C6orf52: variants seen among roughly 807,000 people sequenced by gnomAD.
C6orf52 encodes chromosome 6 open reading frame 52.
Under a neutral mutation model 16.6 loss-of-function variants are expected in C6orf52, and 16 were observed. The observed-to-expected ratio is 0.96, with a 90% CI of 0.65 to 1.46. The LOEUF (loss-of-function observed/expected upper bound fraction) is 1.46. Among genes scored for constraint, C6orf52 ranks in the 40% most tolerant of loss-of-function variants. The probability of loss-of-function intolerance (pLI) is 0.00; values close to 1 mark genes in which losing one functional copy is unlikely to be tolerated. For missense variants in C6orf52, 166 were observed against 182.3 expected (o/e 0.91, Z 0.52); for synonymous variants, 53 against 61.4 (o/e 0.86, Z 0.64).
At chr6:10,674,005 G>A (rs982106031) in intron 4 of C6orf52, among the ~76,000 whole-genome samples, 1 of 148,806 alleles carries the variant, frequency 6.7e-6, no homozygotes, top group Non-Finnish European at 1.5e-5. Context: ...TGACTAGTTC[G>A]TAAACAACAC....
intron 4 of C6orf52, among the ~76,000 whole-genome samples, chr6:10,682,463 G>C (rs1320380671): frequency 6.6e-6 from 1 of 152,152 alleles, no homozygotes; most frequent in Non-Finnish European, 1.5e-5. Context: ...CTCTGAATTA[G>C]TAACAGGGCC....
At chr6:10,692,392 A>C (rs912757951) in intron 1 of C6orf52, among the ~76,000 whole-genome samples, 5 of 152,224 alleles carry the variant, frequency 3.3e-5, no homozygotes, top group Non-Finnish European at 7.3e-5. Flanking sequence ...TCTAAATCCT[A>C]AAATAATTTG....
At chr6:10,676,807 T>C (rs775160318) in intron 4 of C6orf52, among the ~76,000 whole-genome samples, 2 of 152,210 alleles carry the variant, frequency 1.3e-5, no homozygotes, top group Non-Finnish European at 2.9e-5. Context: ...TCCTCTCTCC[T>C]TTCTTCTACC....
intron 4 of C6orf52, among the ~76,000 whole-genome samples, chr6:10,679,456 G>GA (rs376409333): frequency 0.018 from 2,400 of 135,850 alleles, 71 homozygotes; most frequent in African/African-American, 0.065. Flanking sequence ...AAAAAAAATA[G>GA]AAAAAAAAAT....
chr6:10,671,502 G>A lies in C6orf52; in HGVS notation c.413C>T (p.Pro138Leu). The change falls in exon 5 of 5, where the codon CCT becomes CTT. Residue 138 changes from proline to leucine, a missense_variant. Coordinates refer to ENST00000259983, the MANE Select transcript of C6orf52 (RefSeq NM_001145020.3). ...GATTTCGGAGTGAACTGTGTCCAGA[G>A]GCTGCCAGTGGCAATTCATGAGGGA... ...YDSLMNCHWQPLDTVHSEIPD... is the reference protein window; with the variant it reads ...YDSLMNCHWQLLDTVHSEIPD... 6.4e-7 allele frequency: 1 copy of A among 1,551,080 alleles called. No individual in the cohort carries two copies. The highest frequency in any genetic ancestry group is 1.2e-5 in the South Asian group (1 of 83,926).
chr6:10,674,862 T>C (rs955656500), intron 4 of C6orf52: 1 of 151,142 alleles, frequency 6.6e-6, no homozygotes, highest in Non-Finnish European at 1.5e-5. Context: ...CAGGCTGGAG[T>C]GCAATGGTGC....
intron 4 of C6orf52, among the ~76,000 whole-genome samples, chr6:10,677,110 T>G (rs1767968466): frequency 1.3e-5 from 2 of 152,240 alleles, no homozygotes; most frequent in Admixed American, 1.3e-4. Context: ...GTCGTGGAGC[T>G]TTTCCCTTAT....
At chr6:10,689,157 A>G (rs1040537116) in intron 1 of C6orf52, among the ~76,000 whole-genome samples, 7 of 149,628 alleles carry the variant, frequency 4.7e-5, no homozygotes, top group African/African-American at 1.5e-4. Context: ...TTTAGTAGAG[A>G]CGGATTTTCA....
chr6:10,675,433 T>C (rs752834103), intron 4 of C6orf52, among the ~76,000 whole-genome samples: 66 of 152,228 alleles, frequency 4.3e-4, no homozygotes, highest in Non-Finnish European at 7.8e-4. Context: ...CATCCACTTA[T>C]GGGCATTTAG....
intron 4 of C6orf52, among the ~76,000 whole-genome samples, chr6:10,674,465 T>TA (rs1377243107): frequency 1.3e-5 from 2 of 152,224 alleles, no homozygotes; most frequent in East Asian, 3.8e-4. Flanking sequence ...TTTAAATTTC[T>TA]ATGTGTTTCA....
chr6:10,692,453 C>CA (rs1769409771), intron 1 of C6orf52, among the ~76,000 whole-genome samples: 1 of 151,370 alleles, frequency 6.6e-6, no homozygotes. Flanking sequence ...GAAAGAATGA[C>CA]TTTTTTTTTG....
At chr6:10,675,568 T>C (rs1767803912) in intron 4 of C6orf52, among the ~76,000 whole-genome samples, 1 of 152,230 alleles carries the variant, frequency 6.6e-6, no homozygotes, top group South Asian at 2.1e-4. Flanking sequence ...CTGGATCATA[T>C]AGTAGCTCTA....
At chr6:10,684,727 ACAGAGG>A in intron 3 of C6orf52, 2 of 510,424 alleles carry the variant, frequency 3.9e-6, no homozygotes, top group Non-Finnish European at 6.9e-6. Context: ...AAGGTTATGG[ACAGAGG>A]CACAGCACAT....
intron 4 of C6orf52, among the ~76,000 whole-genome samples, chr6:10,676,574 G>A (rs1767902742): frequency 1.3e-5 from 2 of 152,188 alleles, no homozygotes; most frequent in South Asian, 2.1e-4. Flanking sequence ...GTAAGGAGCG[G>A]ACAAGATGGC....
upstream of C6orf52, chr6:10,694,626 T>A: frequency 1.1e-5 from 2 of 184,066 alleles, no homozygotes; most frequent in African/African-American, 2.4e-5. Context: ...CGGCCCCACC[T>A]CCTCCTGATG....
chr6:10,684,572 G>A (rs1471842201), intron 3 of C6orf52, among the ~76,000 whole-genome samples: 1 of 152,216 alleles, frequency 6.6e-6, no homozygotes, highest in Non-Finnish European at 1.5e-5. Flanking sequence ...TTTATAAAAG[G>A]CTTTCCTCAG....
At position 10,694,597 on chromosome 6, in the gene C6orf52, TAAGCAACCGGC is replaced by T; in HGVS notation, c.-126_-116del. ...TGCACGCTGCCGGCGCTACAGCCCC[TAAGCAACCGGC>T]CGGAAGTCGGCCCCACCTCCTCCTG... On this transcript the variant is annotated 5_prime_UTR_variant, in exon 1 of 5. Transcript: ENST00000259983. 4 of 195,436 alleles carry T rather than the reference TAAGCAACCGGC, an allele frequency of 2.0e-5. No homozygotes were observed. Among genetic ancestry groups the T allele is most frequent in the East Asian group, 1.4e-4 (1 of 6,990 alleles). The allele number at this position is 195,436 out of a possible 1,614,324, so 12.1% of individuals were successfully genotyped here.
rs146888164 is a variant in C6orf52 at position 10,691,240 on chromosome 6, C to A, written c.-12+3254G>T. Among the ~76,000 whole-genome samples the A allele has an allele frequency of 5.8e-3, 878 of 152,308 alleles. 8 individuals are homozygous for A. Among genetic ancestry groups the A allele is most frequent in the African/African-American group, 0.02 (833 of 41,578 alleles). Reference sequence around the variant, plus strand: ...ACAAGCCGCAGACAAAACCCCTCAGCCAGCGAGTTTAAGAAAGAAGGGCTT... The same window carrying A: ...ACAAGCCGCAGACAAAACCCCTCAGACAGCGAGTTTAAGAAAGAAGGGCTT... On this transcript the variant is annotated intron_variant, in intron 1 of 4. Coordinates refer to ENST00000259983, the MANE Select transcript of C6orf52 (RefSeq NM_001145020.3).
At chr6:10,682,831 G>T (rs1040837547) in intron 4 of C6orf52, among the ~76,000 whole-genome samples, 54 of 152,134 alleles carry the variant, frequency 3.5e-4, no homozygotes, top group African/African-American at 1.3e-3. Context: ...CAATAACCCT[G>T]AGGCCACAGC....
Sources: allele counts gnomAD v4.1 joint callset (sites outside exome capture counted in the v4.1 genomes callset), GRCh38; gene constraint gnomAD v4.1.1; transcripts MANE v1.5; gene names NCBI Gene and HGNC (gene_info 2026-07-23, HGNC 2026-07-21).